AJAP1: variants seen among roughly 807,000 people sequenced by gnomAD.
AJAP1 encodes the protein adherens junction-associated protein 1.
AJAP1 carries 5 observed loss-of-function variants against 35.0 expected under a neutral mutation model. That is an observed-to-expected ratio of 0.14 (90% CI 0.07 to 0.30). AJAP1 has a LOEUF of 0.30. AJAP1 is among the 10% of genes least tolerant of loss of function. The pLI, the probability that AJAP1 is intolerant of heterozygous loss-of-function variation, is 1.00. For missense variants in AJAP1, 586 were observed against 571.0 expected, an observed-to-expected ratio of 1.03 and a Z score of -0.27; for synonymous variants, 284 against 249.3, an observed-to-expected ratio of 1.14 and a Z score of -1.31.
chr1:4,737,509 G>A (rs1266917933), intron 2 of AJAP1, among the ~76,000 whole-genome samples: 1 of 151,932 alleles, frequency 6.6e-6, no homozygotes, highest in East Asian at 1.9e-4. Flanking sequence ...AGCCCCCCGA[G>A]ATCTGCGAGC....
At chr1:4,673,744 C>G (rs112802765) in intron 1 of AJAP1, among the ~76,000 whole-genome samples, 1,644 of 152,264 alleles carry the variant, frequency 0.011, 14 homozygotes, top group Non-Finnish European at 0.014. Context: ...AGTCCTGGCT[C>G]TGGCTCTGGC....
intron 5 of AJAP1, among the ~76,000 whole-genome samples, chr1:4,780,629 C>T (rs1276865528): frequency 5.1e-5 from 6 of 118,082 alleles, no homozygotes; most frequent in Admixed American, 1.7e-4. Context: ...TTCTTTCTTT[C>T]TTTCTTTTTT....
intron 2 of AJAP1, among the ~76,000 whole-genome samples, chr1:4,741,286 A>C (rs1641063630): frequency 6.6e-6 from 1 of 152,206 alleles, no homozygotes; most frequent in Non-Finnish European, 1.5e-5. Context: ...ATCCTCTCAC[A>C]GGTCTGGAGC....
chr1:4,681,855 C>T (rs969686445), intron 1 of AJAP1, among the ~76,000 whole-genome samples: 15 of 152,162 alleles, frequency 9.9e-5, no homozygotes, highest in African/African-American at 3.6e-4. Flanking sequence ...GCCTCGGTCT[C>T]CCCACCTGCA....
At chr1:4,694,738 C>G (rs924272772) in intron 1 of AJAP1, among the ~76,000 whole-genome samples, 2 of 152,180 alleles carry the variant, frequency 1.3e-5, no homozygotes, top group Non-Finnish European at 2.9e-5. Flanking sequence ...AGAGCAGGTG[C>G]GCAGCTGGGG....
chr1:4,663,857 A>G (rs10915578), intron 1 of AJAP1, among the ~76,000 whole-genome samples: 48,155 of 151,988 alleles, frequency 0.32, 8,090 homozygotes, highest in Admixed American at 0.36. Flanking sequence ...GTGTCTGCAT[A>G]GGACATGGGA....
intron 1 of AJAP1, among the ~76,000 whole-genome samples, chr1:4,680,280 TG>T (rs1639453981): frequency 6.6e-6 from 1 of 152,198 alleles, no homozygotes; most frequent in Non-Finnish European, 1.5e-5. Flanking sequence ...ACCACACATC[TG>T]GGCACCCCGT....
intron 1 of AJAP1, among the ~76,000 whole-genome samples, chr1:4,697,046 TTGTG>T (rs1254496112): frequency 2.0e-5 from 3 of 152,178 alleles, no homozygotes; most frequent in South Asian, 2.1e-4. Flanking sequence ...GCACCTGTGT[TTGTG>T]TGTGTATGTT....
At chr1:4,726,138 G>GGCACAGGGGCAGGCCCTGAATCCTGC (rs762350902) in intron 2 of AJAP1, among the ~76,000 whole-genome samples, 1 of 139,144 alleles carries the variant, frequency 7.2e-6, no homozygotes, top group African/African-American at 3.0e-5. Context: ...CATAGAGTTG[G>GGCACAGGGGCAGGCCCTGAATCCTGC]AGAGAGCTGG....
At chr1:4,760,817 G>A (rs1208974758) in intron 2 of AJAP1, among the ~76,000 whole-genome samples, 3 of 152,240 alleles carry the variant, frequency 2.0e-5, no homozygotes, top group African/African-American at 4.8e-5. Context: ...GAGGGGGCCC[G>A]TGAGCAGAGG....
intron 2 of AJAP1, among the ~76,000 whole-genome samples, chr1:4,716,391 ATGT>A (rs1157684087): frequency 6.6e-6 from 1 of 152,204 alleles, no homozygotes; most frequent in African/African-American, 2.4e-5. Flanking sequence ...CCATCTCATA[ATGT>A]TGTTGTAAAG....
At position 4,774,543 on chromosome 1, in the gene AJAP1, G is replaced by C; in HGVS notation, c.*44G>C. 1.3e-6 allele frequency: 2 copies of C among 1,576,660 alleles called. No individual in the cohort carries two copies. The highest frequency in any genetic ancestry group is 1.7e-5 in the Admixed American group (1 of 59,954). ...ACCTCCTGGGGGCAGGGCAGACGCC[G>C]TGTGTCTGTTTCACGGTAGGTACCT... On this transcript the variant is annotated 3_prime_UTR_variant, in exon 5 of 6. Coordinates refer to ENST00000378191, the MANE Select transcript of AJAP1 (RefSeq NM_018836.4).
At chr1:4,683,428 C>A (rs1226854862) in intron 1 of AJAP1, among the ~76,000 whole-genome samples, 1 of 152,198 alleles carries the variant, frequency 6.6e-6, no homozygotes, top group Non-Finnish European at 1.5e-5. Flanking sequence ...CGTTTCTTAC[C>A]AGTTCCAGGT....
chr1:4,748,445 T>G (rs1037994583), intron 2 of AJAP1, among the ~76,000 whole-genome samples: 2 of 152,030 alleles, frequency 1.3e-5, no homozygotes, highest in Admixed American at 6.6e-5. Flanking sequence ...GTTGTGGTCC[T>G]CAAAAATGGA....
At position 4,693,870 on chromosome 1, in the gene AJAP1, G is replaced by T. The variant is rs532530117; in HGVS notation, c.30-18030G>T. ...TAATGGCATTCAGCCATTCAAGGGG[G>T]CAGAGCCTTCAGGGCCCCCTCACCT... is the stretch of plus-strand genomic sequence containing the variant. On this transcript the variant is annotated intron_variant, in intron 1 of 5. Transcript: ENST00000378191. The surrounding 1 kb of genome is among the most constrained non-coding windows in gnomAD (Gnocchi z 4.4). Among the ~76,000 whole-genome samples the T allele has an allele frequency of 4.1e-4, 63 of 152,168 alleles. No individual in the cohort carries two copies. Among genetic ancestry groups the T allele is most frequent in the Non-Finnish European group, 8.2e-4 (56 of 68,004 alleles).
intron 2 of AJAP1, among the ~76,000 whole-genome samples, chr1:4,756,732 C>T (rs1641440488): frequency 1.3e-5 from 2 of 152,246 alleles, no homozygotes; most frequent in South Asian, 4.1e-4. Flanking sequence ...CCTTCTGAAA[C>T]AAGTTTGCTT....
At chr1:4,670,069 C>G (rs932638916) in intron 1 of AJAP1, among the ~76,000 whole-genome samples, 7 of 152,186 alleles carry the variant, frequency 4.6e-5, no homozygotes, top group Non-Finnish European at 8.8e-5. Context: ...GGGGATGTCA[C>G]TCAGCCCTGC....
rs1333352188 is a variant in AJAP1, at chr1:4,656,418, A to T, written c.29+964A>T. ...CGGGTTGGAACCGCGAGCGGGGAGG[A>T]CAGAGGTGGAGGCGGAGAGCAGCGT... On this transcript the variant is annotated intron_variant, in intron 1 of 5. Coordinates refer to ENST00000378191, the MANE Select transcript of AJAP1 (RefSeq NM_018836.4). The surrounding 1 kb of genome is among the most constrained non-coding windows in gnomAD (Gnocchi z 5.7). Among the ~76,000 whole-genome samples the T allele has an allele frequency of 6.6e-6, 1 of 152,126 alleles. No individual in the cohort carries two copies. The highest frequency in any genetic ancestry group is 6.5e-5 in the Admixed American group (1 of 15,282).
intron 5 of AJAP1, among the ~76,000 whole-genome samples, chr1:4,778,779 T>G (rs1417152755): frequency 6.6e-6 from 1 of 152,168 alleles, no homozygotes; most frequent in Admixed American, 6.5e-5. Flanking sequence ...TGTCTGTGGC[T>G]CCCTGCATCA....
Sources: allele counts gnomAD v4.1 joint callset (sites outside exome capture counted in the v4.1 genomes callset), GRCh38; gene constraint gnomAD v4.1.1; non-coding constraint Gnocchi (gnomAD v3.1); transcripts MANE v1.5; gene names NCBI Gene and HGNC (gene_info 2026-07-23, HGNC 2026-07-21).